The following DNHD1 variants were observed in gnomAD, a reference collection of about 807,000 sequenced individuals.
DNHD1 encodes the protein dynein heavy chain domain-containing protein 1.
DNHD1 carries 383 observed loss-of-function variants against 458.1 expected under a neutral mutation model. That is an observed-to-expected ratio of 0.84 (90% confidence interval 0.77 to 0.91). DNHD1 has a LOEUF of 0.91. Ranked by LOEUF, DNHD1 falls within the 40% of genes least tolerant of loss-of-function variation. DNHD1 has a pLI of 0.00. For missense variants in DNHD1, 5,336 were observed against 5,866.1 expected (o/e 0.91, Z 2.95); for synonymous variants, 2,203 against 2,376.9 (o/e 0.93, Z 2.13).
chr11:6,527,521 C>T (rs1388305573), intron 10 of DNHD1, among the ~76,000 whole-genome samples: 1 of 152,056 alleles, frequency 6.6e-6, no homozygotes, highest in African/African-American at 2.4e-5. Flanking sequence ...GCAGTTTTGG[C>T]GGGGAGGAAT....
chr11:6,551,724 C>CCT (rs1554888979), intron 24 of DNHD1, among the ~76,000 whole-genome samples: 7 of 152,182 alleles, frequency 4.6e-5, no homozygotes, highest in Non-Finnish European at 7.4e-5. Flanking sequence ...GGGCAGATCA[C>CCT]GAGGTCAGGA....
intron 7 of DNHD1, among the ~76,000 whole-genome samples, chr11:6,512,034 T>C (rs1302504068): frequency 6.6e-6 from 1 of 152,026 alleles, no homozygotes. Context: ...GGAGGCCCAC[T>C]CAGATTTTGT....
At position 6,546,235 on chromosome 11, in the gene DNHD1, C is replaced by T. The variant is rs1228682307; in HGVS notation, c.5296C>T (p.Leu1766=). 6.4e-7 allele frequency: 1 copy of T among 1,552,084 alleles called. No individual in the cohort carries two copies. Among genetic ancestry groups the T allele is most frequent in the South Asian group, 1.2e-5 (1 of 84,014 alleles). ...LGELHHLYAP[L]YQEASRNTST... ...TGAACTGCACCACTTGTATGCCCCA[C>T]TGTACCAGGAGGCTTCCCGAAACAC... Residue 1766 remains leucine (L), a synonymous_variant, in exon 21 of 43, where the codon CTG becomes TTG. Transcript: ENST00000254579.
chr11:6,531,218 C>T (rs545747546), intron 12 of DNHD1, among the ~76,000 whole-genome samples: 2 of 152,212 alleles, frequency 1.3e-5, no homozygotes, highest in South Asian at 4.1e-4. Context: ...TTCTCTTCTT[C>T]CTGAACTCCC....
At position 6,548,352 on chromosome 11, in the gene DNHD1, C is replaced by A; in HGVS notation, c.7048C>A (p.Leu2350Met). ...GTLVPFTGQYLSSHIKGTLGT... is the reference protein window; with the variant it reads ...GTLVPFTGQYMSSHIKGTLGT... ...ACTGGTCCCCTTCACTGGCCAATAC[C>A]TGAGCAGCCACATCAAAGGAACTTT... is the stretch of plus-strand genomic sequence containing the variant. The change falls in exon 23 of 43, where the codon CTG (leucine) becomes ATG (methionine). Residue 2350 changes from leucine (L) to methionine (M), a missense_variant. Coordinates refer to ENST00000254579, the MANE Select transcript of DNHD1 (RefSeq NM_144666.3). The surrounding 1 kb of genome is among the most constrained non-coding windows in gnomAD (Gnocchi z 4.4). 4 of 1,551,678 alleles carry A rather than the reference C, an allele frequency of 2.6e-6. No homozygotes were observed. Among genetic ancestry groups the A allele is most frequent in the Non-Finnish European group, 3.5e-6 (4 of 1,146,996 alleles).
At position 6,547,895 on chromosome 11, in the gene DNHD1, A is replaced by G. The variant is rs1853258266; in HGVS notation, c.6760A>G (p.Ser2254Gly). 1.3e-6 allele frequency: 2 copies of G among 1,551,800 alleles called. No homozygotes were observed. The highest frequency in any genetic ancestry group is 8.7e-7 in the Non-Finnish European group (1 of 1,147,020). Residue 2254 changes from serine to glycine, a missense_variant, in exon 22 of 43, where the codon AGC becomes GGC. By Grantham distance (56) the Ser-to-Gly change is moderately conservative. This residue lies in a region of DNHD1 where 3,932 missense variants were observed against 4,365.6 expected (regional missense o/e 0.90). Coordinates refer to ENST00000254579, the MANE Select transcript of DNHD1 (RefSeq NM_144666.3). Reference sequence around the variant, plus strand: ...CAGCTATAGTGATCCTGTGGCCCAAAGCTTCAGGTCTTCAAAAAGCAGCTT... The same window carrying G: ...CAGCTATAGTGATCCTGTGGCCCAAGGCTTCAGGTCTTCAAAAAGCAGCTT... Reference protein sequence around the residue: ...DLSYSDPVAQSFRSSKSSFLN... With the variant: ...DLSYSDPVAQGFRSSKSSFLN...
chr11:6,544,986 C>G lies in DNHD1; in HGVS notation c.4047C>G (p.Leu1349=). The G allele has an allele frequency of 1.9e-6, 3 of 1,551,724 alleles. No homozygotes were observed. The African/African-American group carries it at 4.1e-5, about 21-fold the overall frequency. The change falls in exon 21 of 43, where the codon CTC becomes CTG. Residue 1349 remains leucine, a synonymous_variant. Coordinates refer to ENST00000254579, the MANE Select transcript of DNHD1 (RefSeq NM_144666.3). ...TCATCATGAGTCTGGAGAGCGTGCT[C>G]TATGGGGTGTGTGCTCACTTCCCCC... ...EGIIMSLESV[L]YGVCAHFPRL... is the part of the protein sequence containing the mutation.
At chr11:6,551,693 G>GTATAATAGAT (rs1853348102) in intron 24 of DNHD1, among the ~76,000 whole-genome samples, 1 of 151,878 alleles carries the variant, frequency 6.6e-6, no homozygotes, top group Non-Finnish European at 1.5e-5. Context: ...CTGTAATCCC[G>GTATAATAGAT]GCACTTTGGG....
chr11:6,500,410 C>A (rs532000302), intron 3 of DNHD1, among the ~76,000 whole-genome samples: 1 of 152,302 alleles, frequency 6.6e-6, no homozygotes, highest in South Asian at 2.1e-4. Flanking sequence ...TCAGTTTTTG[C>A]TGTAAGTTTA....
chr11:6,519,109 T>G (rs770318603), intron 7 of DNHD1, among the ~76,000 whole-genome samples: 29 of 151,996 alleles, frequency 1.9e-4, no homozygotes, highest in African/African-American at 6.3e-4. Context: ...TATTCCACAT[T>G]CCCTCTCCTC....
At position 6,558,155 on chromosome 11, in the gene DNHD1, C is replaced by G. The variant is rs1256258392; in HGVS notation, c.8860C>G (p.Leu2954Val). The G allele has an allele frequency of 7.1e-6, 11 of 1,550,288 alleles. No homozygotes were observed. Among genetic ancestry groups the G allele is most frequent in the Non-Finnish European group, 8.7e-6 (10 of 1,146,554 alleles). ...ACCCAGTGGTGTGGATCTCACTACA[C>G]TTCATCGCCTCCTGGCCCTGGCAAC... The part of the protein sequence containing the change: ...LVPSGVDLTT[L>V]HRLLALATSG... The change falls in exon 25 of 43, where the codon CTT (leucine) becomes GTT (valine). Residue 2954 changes from leucine (L) to valine (V), a missense_variant. By Grantham distance (32) the Leu-to-Val change is conservative (BLOSUM62 1). This residue lies in a region of DNHD1 where 3,932 missense variants were observed against 4,365.6 expected (regional missense o/e 0.90). Coordinates refer to ENST00000254579, the MANE Select transcript of DNHD1 (RefSeq NM_144666.3).
At chr11:6,530,051 T>C (rs1852795151) in intron 12 of DNHD1, among the ~76,000 whole-genome samples, 1 of 152,172 alleles carries the variant, frequency 6.6e-6, no homozygotes, top group South Asian at 2.1e-4. Flanking sequence ...TCCCCTGCCA[T>C]TTGGGAGTTG....
chr11:6,568,978 G>C (rs1342824833), intron 39 of DNHD1, 112 bp downstream of exon 39: 2 of 1,280,968 alleles, frequency 1.6e-6, no homozygotes, highest in East Asian at 5.1e-5. Context: ...CAAAGAGCAA[G>C]GGCAAGGGGA....
At chr11:6,528,432 TG>T in intron 10 of DNHD1, 89 bp from the exon 11 acceptor site, 1 of 1,355,404 alleles carries the variant, frequency 7.4e-7, no homozygotes, top group Non-Finnish European at 1.0e-6. Flanking sequence ...TGTGTGTGTG[TG>T]TGTACACACA....
At chr11:6,507,844 A>G (rs888652547) in intron 4 of DNHD1, among the ~76,000 whole-genome samples, 10 of 152,364 alleles carry the variant, frequency 6.6e-5, no homozygotes, top group African/African-American at 2.4e-4. Flanking sequence ...GGATATGAGT[A>G]CTATACTTAA....
At chr11:6,553,935 A>G (rs931977696) in intron 24 of DNHD1, among the ~76,000 whole-genome samples, 3 of 150,656 alleles carry the variant, frequency 2.0e-5, no homozygotes, top group East Asian at 3.9e-4. Context: ...TATAGATTCA[A>G]TGCAATGCCA....
chr11:6,533,704 C>T lies in DNHD1; in HGVS notation c.2529C>T (p.Tyr843=), dbSNP rs376323454. The part of the protein sequence containing the change: ...TQKLNEANEQ[Y]VELEERMEYV... ...AGTTGAATGAAGCCAATGAACAGTA[C>T]GTCGAGCTGGAGGAGCGAATGGAAT... The change falls in exon 14 of 43, where the codon TAC becomes TAT. Residue 843 remains tyrosine (Y), a synonymous_variant. Coordinates refer to ENST00000254579, the MANE Select transcript of DNHD1 (RefSeq NM_144666.3). The T allele has an allele frequency of 5.7e-5, 89 of 1,550,286 alleles. No individual in the cohort carries two copies. Among genetic ancestry groups the T allele is most frequent in the Non-Finnish European group, 7.1e-5 (81 of 1,146,184 alleles).
intron 7 of DNHD1, among the ~76,000 whole-genome samples, chr11:6,512,991 C>T (rs1295566712): frequency 6.6e-6 from 1 of 152,034 alleles, no homozygotes; most frequent in Admixed American, 6.6e-5. Flanking sequence ...GGGCCAAAGG[C>T]ATTAGCAATG....
In DNHD1 at chr11:6,571,673, G is replaced by C; in HGVS notation, c.13949G>C (p.Gly4650Ala). Residue 4650 changes from glycine to alanine, a missense_variant, in exon 43 of 43, where the codon GGG (glycine) becomes GCG (alanine). This residue lies in a region of DNHD1 where 698 missense variants were observed against 664.9 expected (regional missense o/e 1.05). Coordinates refer to ENST00000254579, the MANE Select transcript of DNHD1 (RefSeq NM_144666.3). This position sits in a 1 kb window ranked among gnomAD's most constrained non-coding sequence, Gnocchi z 5.0. The stretch of plus-strand genomic sequence containing the variant: ...CCAAATCCCACGGTTCCAGAGAGAG[G>C]GCTGCTGCTGATCGGGCTACAGGTC... The part of the protein sequence containing the change: ...NGPNPTVPER[G>A]LLLIGLQVLH... 6.2e-7 allele frequency: 1 copy of C among 1,606,862 alleles called. No individual in the cohort carries two copies. Among genetic ancestry groups the C allele is most frequent in the Non-Finnish European group, 8.5e-7 (1 of 1,176,466 alleles).
Sources: gnomAD v4.1 joint callset for allele counts (sites outside exome capture counted in the v4.1 genomes callset) on GRCh38, gnomAD v4.1.1 for gene constraint, gnomAD v4.1.1 regional missense constraint, Gnocchi (gnomAD v3.1) non-coding constraint, MANE v1.5 for transcripts, NCBI Gene and HGNC (gene_info 2026-07-23, HGNC 2026-07-21) for gene names.